AUTS2: variants seen among roughly 807,000 people sequenced by gnomAD.
The protein encoded by AUTS2 is activator of transcription and developmental regulator AUTS2.
Under a neutral mutation model 112.4 loss-of-function variants are expected in AUTS2, and 17 were observed. The observed-to-expected ratio is 0.15, with a 90% confidence interval of 0.10 to 0.23. AUTS2 has a LOEUF of 0.23. Among genes scored for constraint, AUTS2 ranks in the 10% least tolerant of loss-of-function variants. AUTS2 has a pLI of 1.00. For synonymous variants in AUTS2, 751 were observed against 702.7 expected, an observed-to-expected ratio of 1.07 and a Z score of -1.09; for missense variants, 1,510 against 1,701.6, an observed-to-expected ratio of 0.89 and a Z score of 1.98.
intron 1 of AUTS2, among the ~76,000 whole-genome samples, chr7:69,760,507 A>G (rs1260190774): frequency 6.6e-6 from 1 of 152,104 alleles, no homozygotes; most frequent in Admixed American, 6.6e-5. Flanking sequence ...TCCTACATAC[A>G]AAGAGCTGCT....
chr7:70,301,788 A>G (rs1012771816), intron 4 of AUTS2, among the ~76,000 whole-genome samples: 1 of 152,182 alleles, frequency 6.6e-6, no homozygotes, highest in Non-Finnish European at 1.5e-5. Flanking sequence ...TTTAGAGACA[A>G]GTTCTCGCCC....
At chr7:70,742,670 GAGAAT>G (rs1171931268) in intron 6 of AUTS2, among the ~76,000 whole-genome samples, 1 of 152,212 alleles carries the variant, frequency 6.6e-6, no homozygotes, top group Non-Finnish European at 1.5e-5. Context: ...GGTGAGGCAG[GAGAAT>G]AGCTTGAACC....
At chr7:70,258,637 A>G (rs1225822978) in intron 4 of AUTS2, among the ~76,000 whole-genome samples, 3 of 152,206 alleles carry the variant, frequency 2.0e-5, no homozygotes, top group Non-Finnish European at 2.9e-5. Flanking sequence ...CTGAGAGACC[A>G]AGATGTAGGC....
intron 4 of AUTS2, among the ~76,000 whole-genome samples, chr7:70,294,930 T>C (rs1172755474): frequency 6.6e-6 from 1 of 152,190 alleles, no homozygotes; most frequent in Non-Finnish European, 1.5e-5. Flanking sequence ...TCTTCCATTA[T>C]AGATCATGAA....
intron 5 of AUTS2, among the ~76,000 whole-genome samples, chr7:70,493,669 T>G (rs918004593): frequency 1.3e-5 from 2 of 152,080 alleles, no homozygotes; most frequent in African/African-American, 4.8e-5. Flanking sequence ...AGCATAAGTA[T>G]CAGCCTGGAT....
chr7:70,359,843 G>GTA (rs765448013), intron 4 of AUTS2, among the ~76,000 whole-genome samples: 2 of 152,206 alleles, frequency 1.3e-5, no homozygotes, highest in Non-Finnish European at 2.9e-5. Flanking sequence ...AGCCAATGTA[G>GTA]TATGTGTTTT....
At position 70,771,676 on chromosome 7, in the gene AUTS2, A is replaced by C. The variant is rs369502753; in HGVS notation, c.1830+32A>C. 6.3e-6 allele frequency: 10 copies of C among 1,590,838 alleles called. No individual in the cohort carries two copies. The South Asian group carries it at 1.0e-4, about 16-fold the overall frequency. ...AACCTCACAGTGAAAACACACAGGC[A>C]TGTGTCTAAGTGGCGTCCCGGGCCA... On this transcript the variant is annotated intron_variant, in intron 11 of 18. Coordinates refer to ENST00000342771, the MANE Select transcript of AUTS2 (RefSeq NM_015570.4).
chr7:69,741,525 C>T (rs940212494), intron 1 of AUTS2, among the ~76,000 whole-genome samples: 3 of 151,890 alleles, frequency 2.0e-5, no homozygotes, highest in African/African-American at 7.3e-5. Flanking sequence ...GGCAATGTGG[C>T]GAAACCCTGC....
chr7:70,295,234 CCTAT>C (rs1486730752), intron 4 of AUTS2, among the ~76,000 whole-genome samples: 1 of 152,160 alleles, frequency 6.6e-6, no homozygotes, highest in Non-Finnish European at 1.5e-5. Context: ...CCATTCAGCA[CCTAT>C]CTGTCTATTA....
intron 6 of AUTS2, among the ~76,000 whole-genome samples, chr7:70,719,538 AC>A (rs1446100129): frequency 7.5e-6 from 1 of 133,044 alleles, no homozygotes; most frequent in African/African-American, 2.9e-5. Context: ...GTCTCCACTC[AC>A]TGCAACCTCT....
chr7:70,718,599 G>C (rs1319675163), intron 6 of AUTS2, among the ~76,000 whole-genome samples: 1 of 152,162 alleles, frequency 6.6e-6, no homozygotes, highest in Non-Finnish European at 1.5e-5. Flanking sequence ...GGAAGCCGTG[G>C]TTGCAGTCAA....
chr7:69,831,015 G>A (rs1791477906), intron 1 of AUTS2, among the ~76,000 whole-genome samples: 1 of 152,174 alleles, frequency 6.6e-6, no homozygotes, highest in Non-Finnish European at 1.5e-5. Context: ...GACAGGAAAG[G>A]AAGGCTTTCA....
chr7:70,117,117 G>GTTTTTTTTTTTT (rs60488343), intron 2 of AUTS2, among the ~76,000 whole-genome samples: 4 of 73,088 alleles, frequency 5.5e-5, no homozygotes, highest in African/African-American at 2.3e-4. Flanking sequence ...TTTTTTTTTT[G>GTTTTTTTTTTTT]TTTTTTTTTG....
At chr7:70,482,162 GTT>G (rs1372869662) in intron 5 of AUTS2, among the ~76,000 whole-genome samples, 1 of 152,168 alleles carries the variant, frequency 6.6e-6, no homozygotes, top group African/African-American at 2.4e-5. Context: ...AGGAAAAAGT[GTT>G]CAGTAAGACA....
rs115112077 is a variant in AUTS2, at chr7:70,430,248, C to T, written c.661-5504C>T. On this transcript the variant is annotated intron_variant, in intron 4 of 18. Transcript: ENST00000342771. Reference sequence around the variant, plus strand: ...TTGGTGATGCTATTACCAAGGGCAACGTGGGAGAGGGGCAGTTTCAGGTGA... The same window carrying T: ...TTGGTGATGCTATTACCAAGGGCAATGTGGGAGAGGGGCAGTTTCAGGTGA... Among the ~76,000 whole-genome samples the T allele has an allele frequency of 3.6e-3, 553 of 152,192 alleles. 4 individuals carry two copies. The highest frequency in any genetic ancestry group is 0.013 in the African/African-American group (532 of 41,514).
intron 5 of AUTS2, among the ~76,000 whole-genome samples, chr7:70,586,857 A>T (rs182161384): frequency 6.6e-6 from 1 of 152,212 alleles, no homozygotes; most frequent in East Asian, 1.9e-4. Flanking sequence ...AATTGCAATA[A>T]CTTGGATACT....
chr7:69,645,983 T>TC (rs985337665), intron 1 of AUTS2, among the ~76,000 whole-genome samples: 1 of 151,570 alleles, frequency 6.6e-6, no homozygotes, highest in African/African-American at 2.4e-5. Context: ...TTTTTTTTTT[T>TC]TTCTCCTTCT....
chr7:70,615,206 C>T (rs1468553519), intron 5 of AUTS2, among the ~76,000 whole-genome samples: 1 of 152,066 alleles, frequency 6.6e-6, no homozygotes, highest in Non-Finnish European at 1.5e-5. Context: ...GGCACATCTG[C>T]CTTGGGTGAT....
chr7:70,177,613 C>G (rs539066181), intron 4 of AUTS2, among the ~76,000 whole-genome samples: 3 of 152,094 alleles, frequency 2.0e-5, no homozygotes, highest in African/African-American at 7.2e-5. Flanking sequence ...TATTTTACAG[C>G]TAGTGATAAT....
Sources: allele counts gnomAD v4.1 joint callset (sites outside exome capture counted in the v4.1 genomes callset), GRCh38; gene constraint gnomAD v4.1.1; transcripts MANE v1.5; gene names NCBI Gene and HGNC (gene_info 2026-07-23, HGNC 2026-07-21).